The following LMTK2 variants were observed in gnomAD, a reference collection of about 807,000 sequenced individuals.
The protein encoded by LMTK2 is lemur tail kinase 2.
LMTK2 carries 37 observed loss-of-function variants against 127.5 expected under a neutral mutation model. The observed-to-expected ratio is 0.29, with a 90% CI of 0.22 to 0.38. The LOEUF (loss-of-function observed/expected upper bound fraction) is 0.38, where lower values mean the gene tolerates loss of function less well. LMTK2 is among the 10% of genes least tolerant of loss of function. The pLI is 1.00. For missense variants in LMTK2, 1,694 were observed against 1,920.3 expected (o/e 0.88, Z 2.20); for synonymous variants, 819 against 810.1 (o/e 1.01, Z -0.19).
At chr7:98,203,753 T>G in intron 12 of LMTK2, 47 bp downstream of exon 12, 2 of 1,608,796 alleles carry the variant, frequency 1.2e-6, no homozygotes, top group South Asian at 1.1e-5. Flanking sequence ...AAAAATTGAG[T>G]AATGTAAAGG....
chr7:98,191,571 AAT>A (rs1554394278), intron 10 of LMTK2, 41 bp from the exon 11 acceptor site: 2 of 1,498,956 alleles, frequency 1.3e-6, no homozygotes, highest in Non-Finnish European at 1.8e-6. Flanking sequence ...AAAAAAAAAA[AAT>A]TCGTGATGGT....
chr7:98,191,698 G>A lies in LMTK2; in HGVS notation c.1233G>A (p.Arg411=). 6.2e-7 allele frequency: 1 copy of A among 1,614,234 alleles called. No individual in the cohort carries two copies. The highest frequency in any genetic ancestry group is 2.2e-5 in the East Asian group (1 of 44,880). Residue 411 remains arginine (R), a synonymous_variant, in exon 11 of 14, where the codon CGG becomes CGA. Transcript: ENST00000297293. The stretch of plus-strand genomic sequence containing the variant: ...TGCACAGGCTGCTGACTTACCTGCG[G>A]CTGCAGAGCCAGCGGGACTCAGAGG... The part of the protein sequence containing the change: ...EDVHRLLTYL[R]LQSQRDSEVD...
chr7:98,194,068 C>T lies in LMTK2; in HGVS notation c.3603C>T (p.Pro1201=). ...VHPTEDEASS[P]WSVLNAELSS... ...CCACGGAAGACGAGGCCAGCAGTCC[C>T]TGGAGTGTGCTGAATGCAGAACTTA... Residue 1201 remains proline, a synonymous_variant, in exon 11 of 14, where the codon CCC becomes CCT. Transcript: ENST00000297293. This position sits in a 1 kb window ranked among gnomAD's most constrained non-coding sequence, Gnocchi z 5.4. The T allele has an allele frequency of 6.2e-7, 1 of 1,614,146 alleles. No homozygotes were observed. Among genetic ancestry groups the T allele is most frequent in the Non-Finnish European group, 8.5e-7 (1 of 1,180,036 alleles).
chr7:98,114,240 G>GTT (rs554396308), intron 1 of LMTK2, among the ~76,000 whole-genome samples: 56 of 130,942 alleles, frequency 4.3e-4, no homozygotes, highest in South Asian at 9.9e-4. Context: ...TTTTTTTAAA[G>GTT]TTTTTTTTTT....
chr7:98,192,056 CT>C lies in LMTK2; in HGVS notation c.1592del (p.Leu531ArgfsTer25). On this transcript the variant is annotated frameshift_variant, in exon 11 of 14. Transcript: ENST00000297293. LOFTEE classifies it high-confidence loss of function. ...AGATGACAGCGGCCAGGATGTCCCC[CT>C]GAGGGTCCCTGGAGTGGTTCCTGTT... ...KQDDSGQDVP[L>X]RVPGVVPVFD... is the part of the protein sequence containing the mutation. The C allele has an allele frequency of 6.3e-7, 1 of 1,597,908 alleles. No homozygotes were observed. Among genetic ancestry groups the C allele is most frequent in the Non-Finnish European group, 8.5e-7 (1 of 1,169,954 alleles).
chr7:98,164,384 G>A (rs1584273014), intron 6 of LMTK2, among the ~76,000 whole-genome samples: 2 of 152,172 alleles, frequency 1.3e-5, no homozygotes, highest in Admixed American at 6.5e-5. Flanking sequence ...AATAAGCCCC[G>A]CCCCTGACTT....
In LMTK2 at chr7:98,203,964, G is replaced by T. The variant is rs1797748202; in HGVS notation, c.4261G>T (p.Asp1421Tyr). 5.0e-6 allele frequency: 8 copies of T among 1,613,984 alleles called. No homozygotes were observed. Among genetic ancestry groups the T allele is most frequent in the Admixed American group, 1.7e-5 (1 of 60,010 alleles). Reference sequence around the variant, plus strand: ...TCTAGGTGGTGGCTTTGAGTGGGATGATGACTTCTCCCCAGATCCTTTTAT... The same window carrying T: ...TCTAGGTGGTGGCTTTGAGTGGGATTATGACTTCTCCCCAGATCCTTTTAT... ...DEEGGGFEWD[D>Y]DFSPDPFMSK... The change falls in exon 13 of 14, where the codon GAT (aspartate) becomes TAT (tyrosine). Residue 1421 changes from aspartate (D) to tyrosine (Y), a missense_variant. Around this residue, in one of 8 missense-constraint regions of LMTK2, gnomAD observed 554 missense variants for 567.7 expected, o/e 0.98. Coordinates refer to ENST00000297293, the MANE Select transcript of LMTK2 (RefSeq NM_014916.4).
Position 98,208,475 on chromosome 7 carries a change from T to A in LMTK2, c.*2983T>A, listed in dbSNP as rs1323404720. The stretch of plus-strand genomic sequence containing the variant: ...TGTTCTAATAAGTTGTACAATGAAC[T>A]AAATCAGTGGCATTCTCTAGATAAT... On this transcript the variant is annotated 3_prime_UTR_variant, in exon 14 of 14. Coordinates refer to ENST00000297293, the MANE Select transcript of LMTK2 (RefSeq NM_014916.4). 1.3e-5 allele frequency: 2 copies of A among 152,240 alleles called. No homozygotes were observed. Among genetic ancestry groups the A allele is most frequent in the Non-Finnish European group, 2.9e-5 (2 of 68,038 alleles). 9.4% of individuals were successfully genotyped at this position (152,240 alleles called of 1,614,324 possible). A position where few individuals can be genotyped will look rare whatever the true frequency, so the allele number is the denominator to read the frequency against.
intron 6 of LMTK2, among the ~76,000 whole-genome samples, chr7:98,170,533 C>CTTTTTTTTTTTTTTTTTTT (rs202096792): frequency 7.0e-6 from 1 of 142,568 alleles, no homozygotes; most frequent in Non-Finnish European, 1.5e-5. Flanking sequence ...CCTCAGGAGT[C>CTTTTTTTTTTTTTTTTTTT]TTTTTTTTTT....
chr7:98,208,674 A>G lies in LMTK2; in HGVS notation c.*3182A>G, dbSNP rs1413044152. The stretch of plus-strand genomic sequence containing the variant: ...TTTGTCTTTTTGAATGACCCTGTCA[A>G]TAAGCCAGAAAGGGCAACCCAGAAA... On this transcript the variant is annotated 3_prime_UTR_variant, in exon 14 of 14. Transcript: ENST00000297293. 1 of 152,240 alleles carries G rather than the reference A, an allele frequency of 6.6e-6. No homozygotes were observed. Among genetic ancestry groups the G allele is most frequent in the East Asian group, 1.9e-4 (1 of 5,200 alleles). 9.4% of individuals were successfully genotyped at this position (152,240 alleles called of 1,614,324 possible).
In LMTK2 at chr7:98,207,011, G is replaced by C. The variant is rs1003378950; in HGVS notation, c.*1519G>C. ...GCCCGAGTGCTCCCAGTGTAGCTTC[G>C]TCACATCGTCACGAGCCCCTGTGGT... On this transcript the variant is annotated 3_prime_UTR_variant, in exon 14 of 14. Coordinates refer to ENST00000297293, the MANE Select transcript of LMTK2 (RefSeq NM_014916.4). The C allele has an allele frequency of 2.0e-5, 3 of 152,132 alleles. No homozygotes were observed. Among genetic ancestry groups the C allele is most frequent in the African/African-American group, 7.2e-5 (3 of 41,392 alleles). The allele number at this position is 152,132 out of a possible 1,614,324, so 9.4% of individuals were successfully genotyped here.
Position 98,193,250 on chromosome 7 carries a change from C to G in LMTK2, c.2785C>G (p.Pro929Ala), listed in dbSNP as rs528801436. ...ACTGGGACAGGAATTGCACAATAAA[C>G]CATTTTCGGAAGACCATCACAGTCA... ...PELGQELHNK[P>A]FSEDHHSHRR... is the part of the protein sequence containing the mutation. Residue 929 changes from proline (P) to alanine (A), a missense_variant, in exon 11 of 14, where the codon CCA (proline) becomes GCA (alanine). By Grantham distance (27) the Pro-to-Ala change is conservative (BLOSUM62 -1). Coordinates refer to ENST00000297293, the MANE Select transcript of LMTK2 (RefSeq NM_014916.4). The surrounding 1 kb of genome is among the most constrained non-coding windows in gnomAD (Gnocchi z 4.1). 1.2e-6 allele frequency: 2 copies of G among 1,613,658 alleles called. No homozygotes were observed. The highest frequency in any genetic ancestry group is 3.3e-5 in the Admixed American group (2 of 60,028).
chr7:98,164,874 T>A (rs936560433), intron 6 of LMTK2, among the ~76,000 whole-genome samples: 40 of 152,222 alleles, frequency 2.6e-4, no homozygotes, highest in African/African-American at 8.0e-4. Flanking sequence ...TTCAGCTCCA[T>A]CACCTGGCCC....
chr7:98,140,157 CTTTTCTTTT>C (rs1562902799), intron 2 of LMTK2, among the ~76,000 whole-genome samples: 14 of 57,586 alleles, frequency 2.4e-4, no homozygotes, highest in Non-Finnish European at 2.4e-4. Flanking sequence ...CTTTTCTTTT[CTTTTCTTTT>C]CTTTTCTTTC....
chr7:98,193,049 G>A lies in LMTK2; in HGVS notation c.2584G>A (p.Ala862Thr), dbSNP rs34005293. 5.0e-3 allele frequency: 8,001 copies of A among 1,613,934 alleles called. 32 individuals are homozygous for A. The highest frequency in any genetic ancestry group is 5.9e-3 in the Non-Finnish European group (6,906 of 1,180,000). The change falls in exon 11 of 14, where the codon GCT becomes ACT. Residue 862 changes from alanine (A) to threonine (T), a missense_variant. Ala to Thr is a moderately conservative substitution (Grantham distance 58). This residue lies in a region of LMTK2 where 527 missense variants were observed against 539.8 expected (regional missense o/e 0.98). Transcript: ENST00000297293. This position sits in a 1 kb window ranked among gnomAD's most constrained non-coding sequence, Gnocchi z 4.1. ...TCTCCACCAGGACATCAGTCCAGAC[G>A]CTGTGACTGTCCCGGTTGAAATTCT... ...DCLHQDISPDAVTVPVEILST... is the reference protein window; with the variant it reads ...DCLHQDISPDTVTVPVEILST...
chr7:98,139,588 A>G (rs1437339349), intron 2 of LMTK2, among the ~76,000 whole-genome samples: 1 of 152,224 alleles, frequency 6.6e-6, no homozygotes, highest in Non-Finnish European at 1.5e-5. Context: ...CCAAAAGAAA[A>G]TTGAAGGATT....
intron 1 of LMTK2, among the ~76,000 whole-genome samples, chr7:98,114,302 G>A (rs1277027173): frequency 6.7e-6 from 1 of 149,136 alleles, no homozygotes; most frequent in Non-Finnish European, 1.5e-5. Flanking sequence ...ATGCAGTGGT[G>A]CAGTCATATT....
At chr7:98,130,632 C>T (rs1024251330) in intron 1 of LMTK2, among the ~76,000 whole-genome samples, 2 of 152,106 alleles carry the variant, frequency 1.3e-5, no homozygotes, top group Admixed American at 1.3e-4. Context: ...AGTGTGACTG[C>T]TGTCCTTATA....
chr7:98,137,552 C>T lies in LMTK2; in HGVS notation c.231+110C>T, dbSNP rs1055911166. Reference sequence around the variant, plus strand: ...CAGGATCAGCAGATTTTTTTTCTTCCCCTAATGGCCAAATAGTAAATATTT... The same window carrying T: ...CAGGATCAGCAGATTTTTTTTCTTCTCCTAATGGCCAAATAGTAAATATTT... On this transcript the variant is annotated intron_variant, in intron 2 of 13. Transcript: ENST00000297293. 5 of 933,998 alleles carry T rather than the reference C, an allele frequency of 5.4e-6. No individual in the cohort carries two copies. The South Asian group carries it at 1.0e-4, about 19-fold the overall frequency. 57.9% of individuals were successfully genotyped at this position (933,998 alleles called of 1,614,324 possible).
Sources: allele counts gnomAD v4.1 joint callset (sites outside exome capture counted in the v4.1 genomes callset), GRCh38; gene constraint gnomAD v4.1.1; regional missense constraint gnomAD v4.1.1; non-coding constraint Gnocchi (gnomAD v3.1); transcripts MANE v1.5; gene names NCBI Gene and HGNC (gene_info 2026-07-23, HGNC 2026-07-21).